The following TMEM63B variants were observed in gnomAD, a reference collection of about 807,000 sequenced individuals.
TMEM63B encodes transmembrane protein 63B.
In TMEM63B, 23 loss-of-function variants were observed where a neutral mutation model predicts 102.6. The ratio of observed to expected loss-of-function variants is 0.22; its 90% CI spans 0.16 to 0.32. The LOEUF (loss-of-function observed/expected upper bound fraction) is 0.32, where lower values mean the gene tolerates loss of function less well. Ranked by LOEUF, TMEM63B falls within the 10% of genes least tolerant of loss-of-function variation. The probability of loss-of-function intolerance (pLI) is 1.00; values close to 1 mark genes in which losing one functional copy is unlikely to be tolerated. For synonymous variants in TMEM63B, 444 were observed against 437.0 expected, an observed-to-expected ratio of 1.02 and a Z score of -0.20; for missense variants, 628 against 1,095.9, an observed-to-expected ratio of 0.57 and a Z score of 6.03.
chr6:44,150,005 G>A lies in TMEM63B; in HGVS notation c.1520+40G>A, dbSNP rs141264298. On this transcript the variant is annotated intron_variant, in intron 16 of 23. Transcript: ENST00000323267. The surrounding 1 kb of genome is among the most constrained non-coding windows in gnomAD (Gnocchi z 4.7). ...CTCACACCACACCTCGCTGTGGCCT[G>A]CCCTCAATGACCCATCCTCTCTGGG... is the stretch of plus-strand genomic sequence containing the variant. 6.0e-4 allele frequency: 950 copies of A among 1,576,776 alleles called. 8 individuals carry two copies. In the African/African-American group the frequency reaches 0.011, roughly 19 times the overall value.
At chr6:44,144,697 A>C (rs1764987804) in intron 10 of TMEM63B, among the ~76,000 whole-genome samples, 1 of 151,882 alleles carries the variant, frequency 6.6e-6, no homozygotes, top group Non-Finnish European at 1.5e-5. Flanking sequence ...CCTGGGCTGA[A>C]TCGATCCTCC....
At chr6:44,147,637 A>G (rs569201639) in intron 12 of TMEM63B, 137 bp downstream of exon 12, 57 of 1,276,426 alleles carry the variant, frequency 4.5e-5, no homozygotes, top group Middle Eastern at 2.5e-4. Context: ...GGGTTTGTCT[A>G]ATGTCCCTAC....
chr6:44,146,922 A>G lies in TMEM63B; in HGVS notation c.858A>G (p.Ala286=). 1 of 1,614,000 alleles carries G rather than the reference A, an allele frequency of 6.2e-7. No individual in the cohort carries two copies. Among genetic ancestry groups the G allele is most frequent in the Non-Finnish European group, 8.5e-7 (1 of 1,179,952 alleles). ...YNVARLMFLD[A]ERKKAERGKL... ...TGGCTCGCCTAATGTTCCTCGATGC[A>G]GAGAGGTAAGGGACTGGGGGCAGAG... The change falls in exon 11 of 24, where the codon GCA becomes GCG. Residue 286 remains alanine, a synonymous_variant. Coordinates refer to ENST00000323267, the MANE Select transcript of TMEM63B (RefSeq NM_018426.3).
chr6:44,154,643 C>G, intron 23 of TMEM63B, 49 bp from the exon 24 acceptor site: 1 of 1,520,022 alleles, frequency 6.6e-7, no homozygotes, highest in African/African-American at 1.4e-5. Context: ...TTCCCGCAAT[C>G]CATGAGGGGC....
At chr6:44,128,830 G>A (rs1777744647) in intron 1 of TMEM63B, among the ~76,000 whole-genome samples, 1 of 152,206 alleles carries the variant, frequency 6.6e-6, no homozygotes, top group African/African-American at 2.4e-5. Flanking sequence ...GGGCACCAGA[G>A]GGTCCAGGCC....
chr6:44,146,475 G>C (rs1441853583), intron 10 of TMEM63B, among the ~76,000 whole-genome samples: 2 of 132,320 alleles, frequency 1.5e-5, no homozygotes, highest in African/African-American at 2.5e-5. Context: ...TTTTGAGATG[G>C]AGTCTCGCTC....
At position 44,150,670 on chromosome 6, in the gene TMEM63B, G is replaced by A. The variant is rs1383607756; in HGVS notation, c.1673+41G>A. 1 of 1,598,600 alleles carries A rather than the reference G, an allele frequency of 6.3e-7. No homozygotes were observed. The highest frequency in any genetic ancestry group is 8.6e-7 in the Non-Finnish European group (1 of 1,166,630). On this transcript the variant is annotated intron_variant, in intron 18 of 23. Transcript: ENST00000323267. The surrounding 1 kb of genome is among the most constrained non-coding windows in gnomAD (Gnocchi z 4.7). ...CCCTAGGGAAAGAGACCAGACAGCA[G>A]GGGTGGGTATGCTTGAGAGACATTG...
intron 5 of TMEM63B, among the ~76,000 whole-genome samples, chr6:44,138,140 G>A (rs750534230): frequency 1.5e-4 from 23 of 152,252 alleles, no homozygotes; most frequent in Middle Eastern, 3.4e-3. Context: ...CTTATTAGCC[G>A]GAGGTCTGGA....
At chr6:44,151,313 T>C (rs1191779877) in intron 18 of TMEM63B, among the ~76,000 whole-genome samples, 2 of 152,180 alleles carry the variant, frequency 1.3e-5, no homozygotes, top group African/African-American at 4.8e-5. Context: ...GCACAAACTC[T>C]AGGGGTTTTG....
Position 44,150,202 on chromosome 6 carries a change from T to C in TMEM63B, c.1521-22T>C, listed in dbSNP as rs746376059. The C allele has an allele frequency of 6.2e-6, 10 of 1,608,942 alleles. No homozygotes were observed. In the African/African-American group the frequency reaches 1.2e-4, roughly 19 times the overall value. ...GCCTGGGCTCACTTGACCTGTACCG[T>C]TCCCTGCTCCCCTCCCTCCAGCTCT... On this transcript the variant is annotated intron_variant, in intron 16 of 23. Coordinates refer to ENST00000323267, the MANE Select transcript of TMEM63B (RefSeq NM_018426.3). The surrounding 1 kb of genome is among the most constrained non-coding windows in gnomAD (Gnocchi z 4.7).
At position 44,148,597 on chromosome 6, in the gene TMEM63B, G is replaced by A; in HGVS notation, c.1206G>A (p.Leu402=). The A allele has an allele frequency of 1.2e-6, 2 of 1,614,226 alleles. No individual in the cohort carries two copies. Among genetic ancestry groups the A allele is most frequent in the Non-Finnish European group, 1.7e-6 (2 of 1,180,048 alleles). The change falls in exon 14 of 24, where the codon CTG becomes CTA. Residue 402 remains leucine (L), a synonymous_variant. Coordinates refer to ENST00000323267, the MANE Select transcript of TMEM63B (RefSeq NM_018426.3). This position sits in a 1 kb window ranked among gnomAD's most constrained non-coding sequence, Gnocchi z 5.1. ...GCCCCTCATCCTGCAGCGAGTCCCT[G>A]CACATCTCCAACTGGACCGTGTCCT... ...EPRPSSCSES[L]HISNWTVSYA...
intron 1 of TMEM63B, chr6:44,127,926 G>A (rs1777509604): frequency 6.6e-6 from 1 of 151,566 alleles, no homozygotes; most frequent in African/African-American, 2.4e-5. Flanking sequence ...CCCCAGCCCC[G>A]GGGAGATCCC....
chr6:44,154,847 C>A lies in TMEM63B; in HGVS notation c.2463C>A (p.Cys821Ter). 6.2e-7 allele frequency: 1 copy of A among 1,604,612 alleles called. No individual in the cohort carries two copies. Among genetic ancestry groups the A allele is most frequent in the Non-Finnish European group, 8.5e-7 (1 of 1,176,232 alleles). Residue 821 changes from cysteine (C) to a stop codon, truncating the protein, a stop_gained, in exon 24 of 24, where the codon TGC becomes TGA. Coordinates refer to ENST00000323267, the MANE Select transcript of TMEM63B (RefSeq NM_018426.3). LOFTEE classifies it high-confidence loss of function. ...TCACGGACACAGACTTCCAGTCTTG[C>A]GAGGACAGCCTCATAGAGAATGAGA... ...DALTDTDFQSCEDSLIENEIH... is the reference protein window; with the variant it reads ...DALTDTDFQS
intron 1 of TMEM63B, among the ~76,000 whole-genome samples, chr6:44,130,923 T>C (rs1379572383): frequency 6.6e-6 from 1 of 150,916 alleles, no homozygotes; most frequent in African/African-American, 2.4e-5. Flanking sequence ...TGCCTACTAC[T>C]ACTTTTTTTT....
In TMEM63B at chr6:44,148,373, C is replaced by T; in HGVS notation, c.1109C>T (p.Thr370Ile). The T allele has an allele frequency of 6.2e-7, 1 of 1,614,264 alleles. No individual in the cohort carries two copies. Among genetic ancestry groups the T allele is most frequent in the Non-Finnish European group, 8.5e-7 (1 of 1,180,050 alleles). ...GMAFVTFHNE[T>I]ITAIILKDFN... The stretch of plus-strand genomic sequence containing the variant: ...GCCTTTGTCACCTTCCACAATGAGA[C>T]TATCACCGCCATGTGAGTCCCCAAC... Residue 370 changes from threonine (T) to isoleucine (I), a missense_variant, in exon 13 of 24, where the codon ACT (threonine) becomes ATT (isoleucine). Thr to Ile is a moderately conservative substitution (Grantham distance 89, BLOSUM62 -1). Transcript: ENST00000323267. The surrounding 1 kb of genome is among the most constrained non-coding windows in gnomAD (Gnocchi z 5.1).
chr6:44,129,993 C>T (rs1777959771), intron 1 of TMEM63B, among the ~76,000 whole-genome samples: 2 of 152,182 alleles, frequency 1.3e-5, no homozygotes, highest in South Asian at 4.1e-4. Context: ...CTTTTAACCA[C>T]CAGACTATGG....
intron 10 of TMEM63B, among the ~76,000 whole-genome samples, chr6:44,143,786 A>G (rs1351512387): frequency 6.6e-6 from 1 of 152,150 alleles, no homozygotes; most frequent in Non-Finnish European, 1.5e-5. Flanking sequence ...GCAGGGAAGC[A>G]GGCAGGGTAA....
intron 1 of TMEM63B, among the ~76,000 whole-genome samples, chr6:44,132,104 C>G (rs1271873675): frequency 1.3e-5 from 2 of 152,224 alleles, no homozygotes; most frequent in South Asian, 2.1e-4. Context: ...AGCCCAGGCT[C>G]CACCCCTTAC....
rs775763944 is a variant in TMEM63B, at chr6:44,149,991, C to T, written c.1520+26C>T. The stretch of plus-strand genomic sequence containing the variant: ...GTAAGGTGCCTCCACTCACACCACA[C>T]CTCGCTGTGGCCTGCCCTCAATGAC... On this transcript the variant is annotated intron_variant, in intron 16 of 23. Coordinates refer to ENST00000323267, the MANE Select transcript of TMEM63B (RefSeq NM_018426.3). 4.5e-5 allele frequency: 71 copies of T among 1,591,604 alleles called. 1 individual carries two copies. In the South Asian group the frequency reaches 7.7e-4, roughly 17 times the overall value.
Sources: gnomAD v4.1 joint callset for allele counts (sites outside exome capture counted in the v4.1 genomes callset) on GRCh38, gnomAD v4.1.1 for gene constraint, Gnocchi (gnomAD v3.1) non-coding constraint, MANE v1.5 for transcripts, NCBI Gene and HGNC (gene_info 2026-07-23, HGNC 2026-07-21) for gene names.